Variants in NAMPT observed in about 807,000 individuals in gnomAD.
NAMPT encodes the protein nicotinamide phosphoribosyltransferase.
Under a neutral mutation model 58.7 loss-of-function variants are expected in NAMPT, and 7 were observed. The observed-to-expected ratio is 0.12, with a 90% CI of 0.07 to 0.22. NAMPT has a LOEUF of 0.22. Ranked by LOEUF, NAMPT falls within the 10% of genes least tolerant of loss-of-function variation. The pLI is 1.00. For missense variants in NAMPT, 271 were observed against 567.9 expected (o/e 0.48, Z 5.31); for synonymous variants, 145 against 198.1 (o/e 0.73, Z 2.25).
At position 106,272,449 on chromosome 7, in the gene NAMPT, AG is replaced by A. The variant is rs1227542504; in HGVS notation, c.447+80del. 15 of 1,270,948 alleles carry A rather than the reference AG, an allele frequency of 1.2e-5. No homozygotes were observed. In the African/African-American group the frequency reaches 2.1e-4, roughly 18 times the overall value. The allele number at this position is 1,270,948 out of a possible 1,614,324, so 78.7% of individuals were successfully genotyped here. A position where few individuals can be genotyped will look rare whatever the true frequency, so the allele number is the denominator to read the frequency against. On this transcript the variant is annotated intron_variant, in intron 4 of 10. Coordinates refer to ENST00000222553, the MANE Select transcript of NAMPT (RefSeq NM_005746.3). The stretch of plus-strand genomic sequence containing the variant: ...TTATAGGAGATTATATAGCTTTATT[AG>A]TAACAAATTCTAAACTGTAATCTCA...
intron 4 of NAMPT, chr7:106,271,730 C>CAAATGTACTATTTTACAATAT (rs36043139): frequency 6.6e-6 from 1 of 152,190 alleles, no homozygotes; most frequent in Non-Finnish European, 1.5e-5. Context: ...AAGTGAGCCT[C>CAAATGTACTATTTTACAATAT]AAATGTACTA....
intron 8 of NAMPT, among the ~76,000 whole-genome samples, chr7:106,261,174 A>G (rs1792294633): frequency 6.6e-6 from 1 of 152,210 alleles, no homozygotes; most frequent in Non-Finnish European, 1.5e-5. Flanking sequence ...CTTAATTTAG[A>G]AGAGGTGGCA....
intron 6 of NAMPT, among the ~76,000 whole-genome samples, chr7:106,266,662 ATTT>A (rs1792417404): frequency 6.6e-6 from 1 of 152,144 alleles, no homozygotes; most frequent in Non-Finnish European, 1.5e-5. Context: ...CTTTCCATTT[ATTT>A]AGCACCTTGG....
intron 10 of NAMPT, among the ~76,000 whole-genome samples, chr7:106,252,038 C>T (rs1336824567): frequency 3.3e-5 from 5 of 152,132 alleles, no homozygotes; most frequent in Non-Finnish European, 7.4e-5. Context: ...TTTTCTTTCA[C>T]AAATTTAAAT....
At chr7:106,280,625 CCAT>C (rs1238486957) in intron 1 of NAMPT, among the ~76,000 whole-genome samples, 1 of 152,092 alleles carries the variant, frequency 6.6e-6, no homozygotes, top group Admixed American at 6.5e-5. Flanking sequence ...TAAAAGAACA[CCAT>C]CTGAACATCA....
chr7:106,275,861 AC>A (rs1428753782), intron 2 of NAMPT: 1 of 152,018 alleles, frequency 6.6e-6, no homozygotes, highest in Non-Finnish European at 1.5e-5. Context: ...ACATGGTGAG[AC>A]CCTGTCACTA....
chr7:106,258,428 C>T (rs10271556), intron 8 of NAMPT, among the ~76,000 whole-genome samples: 7,950 of 152,256 alleles, frequency 0.052, 716 homozygotes, highest in African/African-American at 0.18. Context: ...GATTCGTATA[C>T]ATCAAAATGT....
rs1457333821 is a variant in NAMPT, at chr7:106,249,471, T to G, written c.*1612A>C. 1 of 152,480 alleles carries G rather than the reference T, an allele frequency of 6.6e-6. No homozygotes were observed. Among genetic ancestry groups the G allele is most frequent in the Admixed American group, 6.6e-5 (1 of 15,246 alleles). The allele number at this position is 152,480 out of a possible 1,614,324, so 9.4% of individuals were successfully genotyped here. On this transcript the variant is annotated 3_prime_UTR_variant, in exon 11 of 11. Coordinates refer to ENST00000222553, the MANE Select transcript of NAMPT (RefSeq NM_005746.3). ...AATCAGTCTTCCAGTATCGGATTCT[T>G]AAGTGAGAAAAAAGAAGACAAAAGA...
chr7:106,282,278 T>C (rs1792780816), intron 1 of NAMPT, among the ~76,000 whole-genome samples: 1 of 152,196 alleles, frequency 6.6e-6, no homozygotes, highest in Non-Finnish European at 1.5e-5. Flanking sequence ...TCACAGCTCT[T>C]TGAAACTTCT....
At chr7:106,285,173 A>T, upstream of NAMPT, 1 of 1,231,004 alleles carries the variant, frequency 8.1e-7, no homozygotes, top group Non-Finnish European at 1.0e-6. Flanking sequence ...GGGGGCCGAG[A>T]AAGGGCGGGG....
chr7:106,253,408 T>TG, intron 9 of NAMPT: 1 of 375,782 alleles, frequency 2.7e-6, no homozygotes, highest in South Asian at 2.9e-5. Flanking sequence ...ATACTCCATT[T>TG]GTAGGAAGTC....
intron 1 of NAMPT, among the ~76,000 whole-genome samples, chr7:106,279,271 G>C (rs1792710770): frequency 6.6e-6 from 1 of 152,118 alleles, no homozygotes; most frequent in Non-Finnish European, 1.5e-5. Flanking sequence ...AAAAATCTTT[G>C]GAGAACCTTA....
chr7:106,271,358 T>C (rs569140616), intron 4 of NAMPT, among the ~76,000 whole-genome samples: 9 of 152,292 alleles, frequency 5.9e-5, no homozygotes, highest in African/African-American at 1.7e-4. Context: ...TTAGACAGAA[T>C]TACCTATTTC....
At chr7:106,274,291 T>C (rs1030613356) in intron 3 of NAMPT, among the ~76,000 whole-genome samples, 6 of 151,972 alleles carry the variant, frequency 3.9e-5, no homozygotes, top group Non-Finnish European at 5.9e-5. Flanking sequence ...CTTTCCTACC[T>C]ATAGTGTATT....
chr7:106,276,146 TAA>T (rs1792634811), intron 2 of NAMPT: 1 of 152,340 alleles, frequency 6.6e-6, no homozygotes, highest in East Asian at 1.9e-4. Context: ...TGCCTAATCT[TAA>T]AAGAGTCAAG....
chr7:106,276,936 T>C lies in NAMPT; in HGVS notation c.214+87A>G. The C allele has an allele frequency of 5.5e-6, 6 of 1,085,514 alleles. No individual in the cohort carries two copies. The South Asian group carries it at 6.9e-5, about 12-fold the overall frequency. 67.2% of individuals were successfully genotyped at this position (1,085,514 alleles called of 1,614,324 possible). The stretch of plus-strand genomic sequence containing the variant: ...ATTATATGATTTAATGCATCCAAAT[T>C]AACAGATTTGTTAAAAATTCTAAAA... On this transcript the variant is annotated intron_variant, in intron 2 of 10. Transcript: ENST00000222553.
chr7:106,284,654 G>A (rs1289466798), intron 1 of NAMPT, 174 bp downstream of exon 1: 8 of 670,100 alleles, frequency 1.2e-5, no homozygotes, highest in Non-Finnish European at 5.9e-6. Context: ...CCACTGCGGC[G>A]CCTCCTCACC....
At chr7:106,255,707 T>C (rs1306664779) in intron 8 of NAMPT, among the ~76,000 whole-genome samples, 2 of 152,146 alleles carry the variant, frequency 1.3e-5, no homozygotes, top group Non-Finnish European at 2.9e-5. Context: ...TGCACGCAAA[T>C]CCAGTCTCAT....
chr7:106,265,078 T>A (rs1218743594), intron 6 of NAMPT, among the ~76,000 whole-genome samples: 1 of 152,146 alleles, frequency 6.6e-6, no homozygotes, highest in African/African-American at 2.4e-5. Flanking sequence ...AGCTATGATG[T>A]CAATTCTCTA....
Sources: gnomAD v4.1 joint callset for allele counts (sites outside exome capture counted in the v4.1 genomes callset) on GRCh38, gnomAD v4.1.1 for gene constraint, MANE v1.5 for transcripts, NCBI Gene and HGNC (gene_info 2026-07-23, HGNC 2026-07-21) for gene names.